Variants in MPDZ observed in about 807,000 individuals in gnomAD.
The protein encoded by MPDZ is multiple PDZ domain crumbs cell polarity complex component.
Under a neutral mutation model 239.1 loss-of-function variants are expected in MPDZ, and 234 were observed. The ratio of observed to expected loss-of-function variants is 0.98; its 90% CI spans 0.88 to 1.09. The LOEUF (loss-of-function observed/expected upper bound fraction) is 1.09. Among genes scored for constraint, MPDZ ranks in the 50% least tolerant of loss-of-function variants. The pLI, the probability that MPDZ is intolerant of heterozygous loss-of-function variation, is 0.00. For synonymous variants in MPDZ, 1,048 were observed against 881.3 expected (o/e 1.19, Z -3.35); for missense variants, 3,175 against 2,510.0 (o/e 1.26, Z -5.66).
intron 12 of MPDZ, among the ~76,000 whole-genome samples, chr9:13,198,352 C>T (rs1279933447): frequency 6.6e-6 from 1 of 151,926 alleles, no homozygotes; most frequent in African/African-American, 2.4e-5. Context: ...TGATCAGTGA[C>T]GAACATTTTT....
intron 28 of MPDZ, among the ~76,000 whole-genome samples, chr9:13,139,551 T>C (rs1947330297): frequency 6.6e-6 from 1 of 152,156 alleles, no homozygotes; most frequent in African/African-American, 2.4e-5. Flanking sequence ...ATGCCTAAAG[T>C]TTTTATCTCC....
intron 11 of MPDZ, among the ~76,000 whole-genome samples, 200 bp downstream of exon 11, chr9:13,205,716 T>A (rs1009757831): frequency 1.3e-5 from 2 of 152,176 alleles, no homozygotes; most frequent in African/African-American, 4.8e-5. Context: ...TACTCCATAG[T>A]TTATAAACAC....
At chr9:13,241,773 T>C (rs1965459809) in intron 3 of MPDZ, among the ~76,000 whole-genome samples, 1 of 152,228 alleles carries the variant, frequency 6.6e-6, no homozygotes, top group Non-Finnish European at 1.5e-5. Flanking sequence ...GCTGCTGCTG[T>C]TGCTACTTAA....
In MPDZ at chr9:13,158,038, G is replaced by A. The variant is rs764951687; in HGVS notation, c.3432C>T (p.Ser1144=). Reference sequence around the variant, plus strand: ...CTTACCGCCTGGGCTGATTCCAATTGCTATATGCTGTGTTTTGAAGTTCGC... The same window carrying A: ...CTTACCGCCTGGGCTGATTCCAATTACTATATGCTGTGTTTTGAAGTTCGC... ...EESELQNTAY[S]NWNQPRRVEL... The change falls in exon 24 of 47, where the codon AGC becomes AGT. Residue 1144 remains serine (S), a synonymous_variant. Transcript: ENST00000319217. 1.9e-6 allele frequency: 3 copies of A among 1,612,488 alleles called. No homozygotes were observed. Among genetic ancestry groups the A allele is most frequent in the Admixed American group, 1.7e-5 (1 of 59,876 alleles).
At chr9:13,261,104 A>G (rs1286036015) in intron 1 of MPDZ, among the ~76,000 whole-genome samples, 1 of 152,222 alleles carries the variant, frequency 6.6e-6, no homozygotes, top group Non-Finnish European at 1.5e-5. Flanking sequence ...GAATAAGTCA[A>G]TTAATGGTAG....
intron 5 of MPDZ, among the ~76,000 whole-genome samples, chr9:13,222,955 CA>C (rs994375398): frequency 9.9e-5 from 15 of 151,232 alleles, no homozygotes; most frequent in Admixed American, 2.0e-4. Flanking sequence ...CAAATATACT[CA>C]AAAAAAATAA....
At chr9:13,219,512 A>C (rs772607897) in intron 8 of MPDZ, 47 bp downstream of exon 8, 4 of 1,521,442 alleles carry the variant, frequency 2.6e-6, no homozygotes, top group Non-Finnish European at 3.6e-6. Flanking sequence ...GTCGTCATCT[A>C]AGTGTTATTT....
intron 3 of MPDZ, among the ~76,000 whole-genome samples, chr9:13,238,194 G>C (rs1964555741): frequency 6.6e-6 from 1 of 152,194 alleles, no homozygotes; most frequent in Non-Finnish European, 1.5e-5. Flanking sequence ...GCCAGCAGTT[G>C]TGCCCACTGG....
chr9:13,169,144 T>C (rs1951468302), intron 21 of MPDZ, among the ~76,000 whole-genome samples: 1 of 152,154 alleles, frequency 6.6e-6, no homozygotes, highest in Non-Finnish European at 1.5e-5. Context: ...ACCACAGTGG[T>C]GTGGGAAAGT....
intron 30 of MPDZ, among the ~76,000 whole-genome samples, 177 bp downstream of exon 30, chr9:13,136,535 C>CCAGG (rs1946842982): frequency 6.6e-6 from 1 of 151,480 alleles, no homozygotes; most frequent in Non-Finnish European, 1.5e-5. Flanking sequence ...ACCATGTAAG[C>CCAGG]CAGGATGGTC....
chr9:13,123,612 A>T (rs1944690240), intron 35 of MPDZ, among the ~76,000 whole-genome samples: 1 of 152,170 alleles, frequency 6.6e-6, no homozygotes, highest in South Asian at 2.1e-4. Flanking sequence ...GAACAGAATT[A>T]AATTGAACCT....
intron 23 of MPDZ, among the ~76,000 whole-genome samples, chr9:13,160,374 G>A (rs1012740774): frequency 2.0e-5 from 3 of 152,114 alleles, no homozygotes; most frequent in Admixed American, 2.0e-4. Flanking sequence ...TTTCTCTGCA[G>A]TGAAGCAGCT....
intron 18 of MPDZ, among the ~76,000 whole-genome samples, chr9:13,185,963 C>T (rs559668067): frequency 2.0e-5 from 3 of 152,096 alleles, no homozygotes; most frequent in Middle Eastern, 6.8e-3. Flanking sequence ...TAAAGAATGC[C>T]TAGAGATATC....
rs79531890 is a variant in MPDZ, at chr9:13,260,809, T to C, written c.-57-10437A>G. On this transcript the variant is annotated intron_variant, in intron 1 of 46. Transcript: ENST00000319217. ...GAAGCAGAACCCTACCAGACCTTGA[T>C]CTTAGACCTTTCAACCTCCAATACC... Among the ~76,000 whole-genome samples, 1,366 of 152,316 alleles carry C rather than the reference T, an allele frequency of 9.0e-3. 24 individuals carry two copies. Among genetic ancestry groups the C allele is most frequent in the African/African-American group, 0.031 (1,308 of 41,566 alleles).
chr9:13,197,269 T>C (rs1045538237), intron 12 of MPDZ, among the ~76,000 whole-genome samples: 3 of 151,946 alleles, frequency 2.0e-5, no homozygotes, highest in South Asian at 2.1e-4. Context: ...CACAGCTAGA[T>C]AGAAGAAATA....
At chr9:13,141,509 C>T (rs1405188504) in intron 27 of MPDZ, among the ~76,000 whole-genome samples, 4 of 152,036 alleles carry the variant, frequency 2.6e-5, no homozygotes, top group African/African-American at 9.7e-5. Flanking sequence ...TATAGTTTTC[C>T]TATATATCTT....
At chr9:13,139,798 G>C (rs1262760920) in intron 28 of MPDZ, 189 bp downstream of exon 28, 5 of 666,700 alleles carry the variant, frequency 7.5e-6, no homozygotes, top group Non-Finnish European at 1.3e-5. Context: ...AGGAAAGGAA[G>C]AGCATGATTT....
In MPDZ at chr9:13,183,569, G is replaced by A. The variant is rs756454639; in HGVS notation, c.2498C>T (p.Ala833Val). 6.2e-7 allele frequency: 1 copy of A among 1,612,102 alleles called. No individual in the cohort carries two copies. The highest frequency in any genetic ancestry group is 1.1e-5 in the South Asian group (1 of 90,974). ...ADLALVGTND[A>V]DLVDESTFES... ...AAATGTGGATTCATCTACTAAGTCA[G>A]CATCATTTGTGCCCACCTAGAAACA... The change falls in exon 19 of 47, where the codon GCT becomes GTT. Residue 833 changes from alanine (A) to valine (V), a missense_variant. Physicochemically the swap from Ala to Val is moderately conservative, Grantham distance 64. Transcript: ENST00000319217.
chr9:13,183,643 C>G, intron 18 of MPDZ, 58 bp from the exon 19 acceptor site: 4 of 1,552,106 alleles, frequency 2.6e-6, no homozygotes, highest in Non-Finnish European at 3.5e-6. Flanking sequence ...ATATGACAAA[C>G]AATCTCCACT....
Sources: allele counts gnomAD v4.1 joint callset (sites outside exome capture counted in the v4.1 genomes callset), GRCh38; gene constraint gnomAD v4.1.1; transcripts MANE v1.5; gene names NCBI Gene and HGNC (gene_info 2026-07-23, HGNC 2026-07-21).